PRKN: variants seen among roughly 807,000 people sequenced by gnomAD.
PRKN encodes E3 ubiquitin-protein ligase parkin.
A neutral mutation model predicts 59.5 loss-of-function variants in PRKN; 56 were observed. That is an observed-to-expected ratio of 0.94 (90% CI 0.76 to 1.18). The LOEUF (loss-of-function observed/expected upper bound fraction) is 1.18. Among genes scored for constraint, PRKN ranks in the 50% most tolerant of loss-of-function variants. PRKN has a pLI of 0.00. For synonymous variants in PRKN, 250 were observed against 222.1 expected, an observed-to-expected ratio of 1.13 and a Z score of -1.12; for missense variants, 657 against 596.4, an observed-to-expected ratio of 1.10 and a Z score of -1.06.
chr6:162,179,088 C>A (rs565077326), intron 4 of PRKN, among the ~76,000 whole-genome samples: 2 of 152,218 alleles, frequency 1.3e-5, no homozygotes, highest in East Asian at 3.9e-4. Flanking sequence ...CACTATTTCC[C>A]AGGCTGGTCT....
chr6:161,501,018 G>A (rs1777943926), intron 9 of PRKN, among the ~76,000 whole-genome samples: 1 of 151,856 alleles, frequency 6.6e-6, no homozygotes, highest in Non-Finnish European at 1.5e-5. Flanking sequence ...TGGGACTACT[G>A]GTACTCGCCA....
chr6:162,531,343 T>C (rs999260724), intron 1 of PRKN, among the ~76,000 whole-genome samples: 2 of 152,076 alleles, frequency 1.3e-5, no homozygotes, highest in African/African-American at 4.8e-5. Flanking sequence ...AACAGGGGAA[T>C]TGCGGAATTG....
chr6:162,274,197 A>T (rs536441806), intron 2 of PRKN, among the ~76,000 whole-genome samples: 1 of 151,646 alleles, frequency 6.6e-6, no homozygotes, highest in African/African-American at 2.4e-5. Flanking sequence ...TTATTTATTT[A>T]TTTATTTTGT....
At chr6:161,737,932 A>G (rs1233036738) in intron 7 of PRKN, among the ~76,000 whole-genome samples, 1 of 152,188 alleles carries the variant, frequency 6.6e-6, no homozygotes, top group Non-Finnish European at 1.5e-5. Flanking sequence ...CTGAACCACT[A>G]TTACCATTTG....
At chr6:162,712,524 A>G (rs1269711272) in intron 1 of PRKN, among the ~76,000 whole-genome samples, 2 of 152,198 alleles carry the variant, frequency 1.3e-5, no homozygotes, top group African/African-American at 4.8e-5. Context: ...AGTAAATATC[A>G]TGACGCTTAT....
At chr6:162,320,869 A>C (rs80189425) in intron 2 of PRKN, among the ~76,000 whole-genome samples, 1 of 152,012 alleles carries the variant, frequency 6.6e-6, no homozygotes, top group Middle Eastern at 3.4e-3. Context: ...ATAACATAAC[A>C]AAATTTAGGG....
chr6:162,335,728 T>C (rs1159982497), intron 2 of PRKN, among the ~76,000 whole-genome samples: 1 of 152,124 alleles, frequency 6.6e-6, no homozygotes, highest in Non-Finnish European at 1.5e-5. Flanking sequence ...CCAGTGATTT[T>C]GATAATGCCT....
chr6:162,286,922 C>T (rs537001291), intron 2 of PRKN, among the ~76,000 whole-genome samples: 3 of 152,294 alleles, frequency 2.0e-5, no homozygotes, highest in South Asian at 2.1e-4. Flanking sequence ...TGTAAAACCA[C>T]GTTGAACTGC....
At position 161,444,116 on chromosome 6, in the gene PRKN, T is replaced by C. The variant is rs1562453710; in HGVS notation, c.1084-57239A>G. On this transcript the variant is annotated intron_variant, in intron 9 of 11. Transcript: ENST00000366898. This position sits in a 1 kb window ranked among gnomAD's most constrained non-coding sequence, Gnocchi z 5.6. ...GCTCTGGAGCTTCTGGCTCCTGGAC[T>C]GGGGGACTGGGAATCGGCCAGGCCA... Among the ~76,000 whole-genome samples, 2 of 152,122 alleles carry C rather than the reference T, an allele frequency of 1.3e-5. No homozygotes were observed. The highest frequency in any genetic ancestry group is 4.8e-5 in the African/African-American group (2 of 41,428).
intron 1 of PRKN, among the ~76,000 whole-genome samples, chr6:162,468,604 C>A (rs374247628): frequency 1.3e-4 from 20 of 152,298 alleles, no homozygotes; most frequent in Admixed American, 4.6e-4. Flanking sequence ...GGTAGCCCAG[C>A]TGATGGGTTT....
At chr6:162,153,842 A>G (rs1782382060) in intron 4 of PRKN, among the ~76,000 whole-genome samples, 1 of 151,970 alleles carries the variant, frequency 6.6e-6, no homozygotes, top group South Asian at 2.1e-4. Context: ...TCCCCTCTCT[A>G]CCAGCTGAGC....
Position 162,670,052 on chromosome 6 carries a change from T to C in PRKN, c.7+57610A>G, listed in dbSNP as rs550849792. On this transcript the variant is annotated intron_variant, in intron 1 of 11. Transcript: ENST00000366898. ...TGTGCTGCTAAACATTTGACAAACC[T>C]AAAAGTATCCTTGGTAAAGTGGCTA... Among the ~76,000 whole-genome samples the C allele has an allele frequency of 5.9e-5, 9 of 152,336 alleles. No individual in the cohort carries two copies. The South Asian group carries it at 1.7e-3, about 28-fold the overall frequency.
intron 1 of PRKN, among the ~76,000 whole-genome samples, chr6:162,460,091 A>G (rs1278440524): frequency 1.3e-5 from 2 of 152,224 alleles, no homozygotes; most frequent in African/African-American, 4.8e-5. Flanking sequence ...ATTATTATTA[A>G]TAGCCAAAAG....
chr6:161,690,190 T>C (rs1333017490), intron 7 of PRKN, among the ~76,000 whole-genome samples: 2 of 152,108 alleles, frequency 1.3e-5, no homozygotes, highest in African/African-American at 2.4e-5. Flanking sequence ...AGTCCCCCAC[T>C]CTCTCTACCA....
At chr6:161,510,242 G>A (rs1778335682) in intron 9 of PRKN, among the ~76,000 whole-genome samples, 2 of 152,228 alleles carry the variant, frequency 1.3e-5, no homozygotes, top group Admixed American at 6.5e-5. Flanking sequence ...ACACAAATTT[G>A]TGGAGATGAA....
chr6:162,414,018 C>A (rs1193841796), intron 2 of PRKN, among the ~76,000 whole-genome samples: 1 of 151,982 alleles, frequency 6.6e-6, no homozygotes. Context: ...CCTGTCTCTA[C>A]TAAAAATACA....
At chr6:162,167,017 C>T (rs1783020060) in intron 4 of PRKN, among the ~76,000 whole-genome samples, 1 of 152,134 alleles carries the variant, frequency 6.6e-6, no homozygotes, top group Non-Finnish European at 1.5e-5. Flanking sequence ...TCTGCTTTTA[C>T]AGGAACCCAA....
intron 4 of PRKN, among the ~76,000 whole-genome samples, chr6:162,137,407 T>C (rs1781596985): frequency 6.6e-6 from 1 of 152,210 alleles, no homozygotes; most frequent in Non-Finnish European, 1.5e-5. Context: ...TACCTAAAAC[T>C]ACCTGAGACA....
chr6:162,026,580 T>C (rs1954916), intron 5 of PRKN, among the ~76,000 whole-genome samples: 25,426 of 152,240 alleles, frequency 0.17, 2,169 homozygotes, highest in South Asian at 0.26. Flanking sequence ...CAAGATGTTC[T>C]GAAGCTATAT....
Sources: gnomAD v4.1 joint callset for allele counts (sites outside exome capture counted in the v4.1 genomes callset) on GRCh38, gnomAD v4.1.1 for gene constraint, Gnocchi (gnomAD v3.1) non-coding constraint, MANE v1.5 for transcripts, NCBI Gene and HGNC (gene_info 2026-07-23, HGNC 2026-07-21) for gene names.